SEMA3E: variants seen among roughly 807,000 people sequenced by gnomAD.
The protein encoded by SEMA3E is semaphorin-3E.
Under a neutral mutation model 93.6 loss-of-function variants are expected in SEMA3E, and 49 were observed. That is an observed-to-expected ratio of 0.52 (90% CI 0.42 to 0.66). The LOEUF (loss-of-function observed/expected upper bound fraction) is 0.66. Ranked by LOEUF, SEMA3E falls within the 30% of genes least tolerant of loss-of-function variation. The pLI, the probability that SEMA3E is intolerant of heterozygous loss-of-function variation, is 0.00. For missense variants in SEMA3E, 906 were observed against 964.8 expected (o/e 0.94, Z 0.81); for synonymous variants, 363 against 330.7 (o/e 1.10, Z -1.06).
chr7:83,563,076 C>T (rs1410734210), intron 1 of SEMA3E, among the ~76,000 whole-genome samples: 1 of 152,182 alleles, frequency 6.6e-6, no homozygotes, highest in East Asian at 1.9e-4. Context: ...TGTAGACAGG[C>T]ATGCTCTGTT....
At chr7:83,393,455 G>A (rs565172677) in intron 13 of SEMA3E, among the ~76,000 whole-genome samples, 74 of 152,136 alleles carry the variant, frequency 4.9e-4, no homozygotes, top group Non-Finnish European at 9.8e-4. Context: ...CTGACCCTGG[G>A]GAGGTTGAGT....
chr7:83,432,400 TAA>T (rs969194661), intron 4 of SEMA3E, among the ~76,000 whole-genome samples: 3 of 151,642 alleles, frequency 2.0e-5, no homozygotes, highest in African/African-American at 7.3e-5. Flanking sequence ...ATAAGACAAA[TAA>T]AAAGTTATAA....
intron 1 of SEMA3E, among the ~76,000 whole-genome samples, chr7:83,541,041 G>A (rs1229338558): frequency 6.6e-6 from 1 of 152,160 alleles, no homozygotes; most frequent in African/African-American, 2.4e-5. Flanking sequence ...GGACAACTGA[G>A]TACTTTCAGA....
At chr7:83,642,322 A>G (rs903962792) in intron 1 of SEMA3E, among the ~76,000 whole-genome samples, 4 of 152,160 alleles carry the variant, frequency 2.6e-5, no homozygotes, top group Non-Finnish European at 2.9e-5. Context: ...TGTTAGAACT[A>G]GGGCTGAAAA....
chr7:83,431,996 T>C (rs988357581), intron 4 of SEMA3E, among the ~76,000 whole-genome samples: 1 of 150,552 alleles, frequency 6.6e-6, no homozygotes, highest in Non-Finnish European at 1.5e-5. Flanking sequence ...CCAGCTACCA[T>C]GTTAAGAAGC....
chr7:83,642,349 T>C (rs1794024585), intron 1 of SEMA3E, among the ~76,000 whole-genome samples: 1 of 152,148 alleles, frequency 6.6e-6, no homozygotes, highest in African/African-American at 2.4e-5. Flanking sequence ...GAGTAATCAG[T>C]TGTCTTGGCC....
chr7:83,570,287 C>T (rs1792248095), intron 1 of SEMA3E, among the ~76,000 whole-genome samples: 1 of 152,006 alleles, frequency 6.6e-6, no homozygotes, highest in African/African-American at 2.4e-5. Context: ...GGCGCGGTGG[C>T]TCACGCCTGT....
chr7:83,445,460 G>A (rs1346829516), intron 4 of SEMA3E, among the ~76,000 whole-genome samples: 1 of 152,218 alleles, frequency 6.6e-6, no homozygotes, highest in African/African-American at 2.4e-5. Context: ...GCTCACGCCT[G>A]TAATCCCAGC....
intron 9 of SEMA3E, among the ~76,000 whole-genome samples, chr7:83,403,134 T>G (rs1788262564): frequency 6.6e-6 from 1 of 151,990 alleles, no homozygotes; most frequent in Non-Finnish European, 1.5e-5. Flanking sequence ...ATTTAGATAT[T>G]ATCTCCTTTT....
intron 16 of SEMA3E, among the ~76,000 whole-genome samples, chr7:83,380,634 C>T (rs1301122859): frequency 1.3e-5 from 2 of 151,968 alleles, no homozygotes; most frequent in East Asian, 1.9e-4. Flanking sequence ...CCACCCTACC[C>T]AATCTCTTGG....
At chr7:83,559,447 G>C (rs1377585792) in intron 1 of SEMA3E, among the ~76,000 whole-genome samples, 1 of 152,004 alleles carries the variant, frequency 6.6e-6, no homozygotes, top group Admixed American at 6.6e-5. Context: ...AAGGTATTCA[G>C]ATGACAAATG....
intron 4 of SEMA3E, among the ~76,000 whole-genome samples, chr7:83,434,360 G>T (rs1054576827): frequency 4.0e-5 from 6 of 151,848 alleles, no homozygotes; most frequent in African/African-American, 1.5e-4. Flanking sequence ...TTTGCTCTGG[G>T]GACTGCCATT....
intron 5 of SEMA3E, among the ~76,000 whole-genome samples, chr7:83,412,267 A>T (rs1050565464): frequency 4.6e-5 from 7 of 152,066 alleles, no homozygotes; most frequent in African/African-American, 1.7e-4. Context: ...TTTCTATCCT[A>T]CTGCTCATCC....
At chr7:83,618,538 C>A (rs1793475113) in intron 1 of SEMA3E, among the ~76,000 whole-genome samples, 1 of 151,932 alleles carries the variant, frequency 6.6e-6, no homozygotes, top group Admixed American at 6.6e-5. Context: ...CAGGAATATA[C>A]AAAGTCTGTT....
intron 2 of SEMA3E, among the ~76,000 whole-genome samples, chr7:83,477,429 G>A (rs1479072680): frequency 6.6e-6 from 1 of 151,942 alleles, no homozygotes; most frequent in African/African-American, 2.4e-5. Context: ...ATTTTGAATA[G>A]AACACATTAA....
At chr7:83,440,439 G>A (rs1167454826) in intron 4 of SEMA3E, among the ~76,000 whole-genome samples, 1 of 152,136 alleles carries the variant, frequency 6.6e-6, no homozygotes, top group Non-Finnish European at 1.5e-5. Context: ...ATTGTGATAA[G>A]CATATTTCTT....
chr7:83,429,208 T>C (rs1020549194), intron 4 of SEMA3E, among the ~76,000 whole-genome samples: 1 of 152,048 alleles, frequency 6.6e-6, no homozygotes, highest in African/African-American at 2.4e-5. Context: ...ATTCAGCACA[T>C]AAATATAATA....
At chr7:83,606,476 A>G (rs1166772822) in intron 1 of SEMA3E, among the ~76,000 whole-genome samples, 1 of 150,486 alleles carries the variant, frequency 6.6e-6, no homozygotes, top group Non-Finnish European at 1.5e-5. Flanking sequence ...CATGGATGAA[A>G]TTGGAAACCA....
chr7:83,367,962 G>C lies in SEMA3E; in HGVS notation c.1952C>G (p.Thr651Ser). 6.2e-7 allele frequency: 1 copy of C among 1,613,594 alleles called. No individual in the cohort carries two copies. Among genetic ancestry groups the C allele is most frequent in the Non-Finnish European group, 8.5e-7 (1 of 1,179,814 alleles). ...FLRLHKSDAG[T>S]YFCQTVEHSF... is the part of the protein sequence containing the mutation. ...ATGCTCTACTGTCTGGCAAAAATAG[G>C]TCCCAGCATCTGATTTGTGTAACCT... is the stretch of plus-strand genomic sequence containing the variant. Residue 651 changes from threonine (T) to serine (S), a missense_variant, in exon 17 of 17, where the codon ACC becomes AGC. Physicochemically the swap from Thr to Ser is moderately conservative, Grantham distance 58. Transcript: ENST00000643230.
Sources: gnomAD v4.1 joint callset for allele counts (sites outside exome capture counted in the v4.1 genomes callset) on GRCh38, gnomAD v4.1.1 for gene constraint, MANE v1.5 for transcripts, NCBI Gene and HGNC (gene_info 2026-07-23, HGNC 2026-07-21) for gene names.